Variants in ELFN2 observed in about 807,000 individuals in gnomAD.
ELFN2 encodes extracellular leucine rich repeat and fibronectin type III domain containing 2.
ELFN2 carries 17 observed loss-of-function variants against 45.5 expected under a neutral mutation model. That is an observed-to-expected ratio of 0.37 (90% CI 0.26 to 0.56). The LOEUF is 0.56. ELFN2 is among the 20% of genes least tolerant of loss of function. ELFN2 has a pLI of 0.77. For missense variants in ELFN2, 922 were observed against 1,183.2 expected, an observed-to-expected ratio of 0.78 and a Z score of 3.24; for synonymous variants, 550 against 551.5, an observed-to-expected ratio of 1.00 and a Z score of 0.04.
intron 2 of ELFN2, among the ~76,000 whole-genome samples, chr22:37,386,859 G>A (rs1333922389): frequency 5.9e-5 from 9 of 152,136 alleles, no homozygotes; most frequent in Non-Finnish European, 1.3e-4. Flanking sequence ...TCGAATCCAG[G>A]CTATGCCACC....
chr22:37,375,561 G>C lies in ELFN2; in HGVS notation c.-27C>G, dbSNP rs572161596. ...GCGCTGGCCTCGGAGTGAGGGGCCA[G>C]GGCAAGGCAGGGGGTGCCTAGCGGC... On this transcript the variant is annotated 5_prime_UTR_variant, in exon 3 of 3. Coordinates refer to ENST00000402918, the MANE Select transcript of ELFN2 (RefSeq NM_052906.5). The C allele has an allele frequency of 1.3e-6, 2 of 1,512,704 alleles. No individual in the cohort carries two copies. The highest frequency in any genetic ancestry group is 4.9e-5 in the East Asian group (2 of 40,530). The allele number at this position is 1,512,704 out of a possible 1,614,324, so 93.7% of individuals were successfully genotyped here. A position where few individuals can be genotyped will look rare whatever the true frequency, so the allele number is the denominator to read the frequency against.
chr22:37,412,296 GAAAGAAAGAAAAGGAAA>G (rs1392896412), intron 2 of ELFN2, among the ~76,000 whole-genome samples: 1 of 120,046 alleles, frequency 8.3e-6, no homozygotes, highest in Admixed American at 7.7e-5. Context: ...AAAAAAAAAA[GAAAGAAAGAAAAGGAAA>G]AAAGAAAGAA....
At chr22:37,398,458 A>G (rs1032225184) in intron 2 of ELFN2, among the ~76,000 whole-genome samples, 3 of 150,696 alleles carry the variant, frequency 2.0e-5, no homozygotes, top group Non-Finnish European at 4.4e-5. Context: ...GGGCTCCACC[A>G]CCCCACTCCT....
chr22:37,374,214 T>A lies in ELFN2; in HGVS notation c.1321A>T (p.Met441Leu). Residue 441 changes from methionine to leucine, a missense_variant, in exon 3 of 3, where the codon ATG becomes TTG. Coordinates refer to ENST00000402918, the MANE Select transcript of ELFN2 (RefSeq NM_052906.5). ...GCATCCACATCAGCCCCGTAGCGCA[T>A]CTCCAGGATGGTCTTCTTGACGTTG... ...SVNVKKTILE[M>L]RYGADVDAGS... 1 of 1,613,816 alleles carries A rather than the reference T, an allele frequency of 6.2e-7. No individual in the cohort carries two copies. Among genetic ancestry groups the A allele is most frequent in the Non-Finnish European group, 8.5e-7 (1 of 1,180,010 alleles).
chr22:37,411,368 C>A (rs572499415), intron 2 of ELFN2, among the ~76,000 whole-genome samples: 7 of 151,824 alleles, frequency 4.6e-5, no homozygotes, highest in South Asian at 2.1e-4. Context: ...TCAGTGCCAA[C>A]CCCTCTCTGT....
At position 37,373,919 on chromosome 22, in the gene ELFN2, T is replaced by C. The variant is rs1308690028; in HGVS notation, c.1616A>G (p.Lys539Arg). The C allele has an allele frequency of 3.1e-6, 5 of 1,613,258 alleles. No individual in the cohort carries two copies. Among genetic ancestry groups the C allele is most frequent in the Non-Finnish European group, 4.2e-6 (5 of 1,179,976 alleles). The change falls in exon 3 of 3, where the codon AAG (lysine) becomes AGG (arginine). Residue 539 changes from lysine to arginine, a missense_variant. This residue lies in a region of ELFN2 where 564 missense variants were observed against 642.8 expected (regional missense o/e 0.88). Transcript: ENST00000402918. ...GATCTGGTTGACCTTGTCCACCTCC[T>C]TGGCAATGGTGGAGATCTCTGCAGC... The part of the protein sequence containing the change: ...GSAAEISTIA[K>R]EVDKVNQIIN...
At chr22:37,395,717 C>G (rs1287000937) in intron 2 of ELFN2, among the ~76,000 whole-genome samples, 5 of 152,164 alleles carry the variant, frequency 3.3e-5, no homozygotes, top group Non-Finnish European at 7.3e-5. Context: ...GCACAATATC[C>G]GTGCACCCAG....
At chr22:37,391,256 C>T (rs975549011) in intron 2 of ELFN2, among the ~76,000 whole-genome samples, 3 of 152,208 alleles carry the variant, frequency 2.0e-5, no homozygotes, top group African/African-American at 4.8e-5. Flanking sequence ...ACTGGTTTTA[C>T]ATCCACCTTC....
At chr22:37,404,241 A>G (rs1308120386) in intron 2 of ELFN2, among the ~76,000 whole-genome samples, 1 of 152,070 alleles carries the variant, frequency 6.6e-6, no homozygotes, top group East Asian at 1.9e-4. Context: ...AAGGGTTTGG[A>G]ATGCATCGGA....
intron 2 of ELFN2, among the ~76,000 whole-genome samples, chr22:37,404,833 G>A (rs1307591710): frequency 6.6e-6 from 1 of 152,130 alleles, no homozygotes; most frequent in Non-Finnish European, 1.5e-5. Flanking sequence ...TGGGATCCTT[G>A]GCAAGTCACT....
At chr22:37,422,956 G>T (rs1270530604) in intron 1 of ELFN2, among the ~76,000 whole-genome samples, 2 of 143,992 alleles carry the variant, frequency 1.4e-5, no homozygotes, top group South Asian at 2.2e-4. Flanking sequence ...GGGGGGGGGG[G>T]GAAGTGACTT....
chr22:37,398,880 C>A (rs1230136057), intron 2 of ELFN2, among the ~76,000 whole-genome samples: 1 of 152,154 alleles, frequency 6.6e-6, no homozygotes, highest in Non-Finnish European at 1.5e-5. Context: ...CACCTTCCCA[C>A]CTCCAGCCCA....
At chr22:37,398,997 T>C (rs1932289204) in intron 2 of ELFN2, among the ~76,000 whole-genome samples, 1 of 152,022 alleles carries the variant, frequency 6.6e-6, no homozygotes, top group South Asian at 2.1e-4. Flanking sequence ...AACACATACA[T>C]GCTCCCTGCT....
At position 37,405,089 on chromosome 22, in the gene ELFN2, C is replaced by CTTTTTTTTTTTT. The variant is rs1491573989; in HGVS notation, c.-463+12679_-463+12680insAAAAAAAAAAAA. 2.5e-5 allele frequency among the ~76,000 whole-genome samples: 3 copies of CTTTTTTTTTTTT among 121,534 alleles called. 1 individual carries two copies. Among genetic ancestry groups the CTTTTTTTTTTTT allele is most frequent in the African/African-American group, 3.4e-5 (1 of 29,192 alleles). The allele number at this position is 121,534 out of a possible 152,430, so 79.7% of individuals were successfully genotyped here. A position where few individuals can be genotyped will look rare whatever the true frequency, so the allele number is the denominator to read the frequency against. On this transcript the variant is annotated intron_variant, in intron 2 of 2. Transcript: ENST00000402918. ...GGCCCCTCACCTCCCTGAACCTCAG[C>CTTTTTTTTTTTT]ATTTTTTTTTTTTTTTTTTTTTTGA...
At chr22:37,386,751 T>A (rs1012381909) in intron 2 of ELFN2, among the ~76,000 whole-genome samples, 6 of 152,148 alleles carry the variant, frequency 3.9e-5, no homozygotes, top group African/African-American at 1.4e-4. Flanking sequence ...CGTGAGGCTA[T>A]CTATGTGACA....
chr22:37,377,237 C>A (rs972291051), intron 2 of ELFN2, among the ~76,000 whole-genome samples: 3 of 152,220 alleles, frequency 2.0e-5, no homozygotes, highest in Non-Finnish European at 4.4e-5. Context: ...GGAGACTTGG[C>A]CAGGTTGCCC....
intron 2 of ELFN2, among the ~76,000 whole-genome samples, chr22:37,409,456 A>G (rs1458900333): frequency 1.3e-5 from 2 of 151,716 alleles, no homozygotes; most frequent in Non-Finnish European, 2.9e-5. Context: ...GGACCCCCAC[A>G]CCCTACCTTT....
intron 2 of ELFN2, among the ~76,000 whole-genome samples, chr22:37,381,227 C>CAGAG (rs1931753418): frequency 6.6e-6 from 1 of 152,188 alleles, no homozygotes; most frequent in South Asian, 2.1e-4. Flanking sequence ...GATGAGAAGA[C>CAGAG]AGAGGCTCTC....
intron 1 of ELFN2, among the ~76,000 whole-genome samples, chr22:37,350,933 G>T (rs1930807864): frequency 6.6e-6 from 1 of 150,484 alleles, no homozygotes. Flanking sequence ...CCGCCTGGGA[G>T]TCAGGAAACC....
Sources: gnomAD v4.1 joint callset for allele counts (sites outside exome capture counted in the v4.1 genomes callset) on GRCh38, gnomAD v4.1.1 for gene constraint, gnomAD v4.1.1 regional missense constraint, MANE v1.5 for transcripts, NCBI Gene and HGNC (gene_info 2026-07-23, HGNC 2026-07-21) for gene names.